Variants in SPEN observed in about 807,000 individuals in gnomAD.
SPEN encodes msx2-interacting protein.
In SPEN, 18 loss-of-function variants were observed where a neutral mutation model predicts 269.9. The observed-to-expected ratio is 0.07, with a 90% CI of 0.05 to 0.10. The LOEUF (loss-of-function observed/expected upper bound fraction) is 0.10, where lower values mean the gene tolerates loss of function less well. Ranked by LOEUF, SPEN falls within the 10% of genes least tolerant of loss-of-function variation. SPEN has a pLI of 1.00. For missense variants in SPEN, 3,822 were observed against 4,631.2 expected (o/e 0.83, Z 5.07); for synonymous variants, 1,726 against 1,765.7 (o/e 0.98, Z 0.56).
In SPEN at chr1:15,876,554, C is replaced by G; in HGVS notation, c.757C>G (p.Gln253Glu). Residue 253 changes from glutamine (Q) to glutamate (E), a missense_variant, in exon 3 of 15, where the codon CAG becomes GAG. Around this residue, in one of 16 missense-constraint regions of SPEN, gnomAD observed 327 missense variants for 350.8 expected, o/e 0.93. Transcript: ENST00000375759. ...ACCACATTCATCCCAGTCTAGAAAT[C>G]AGTCTCCTCAGAGACTGGCTAGCCA... ...RSPHSSQSRN[Q>E]SPQRLASQAS... 6.2e-7 allele frequency: 1 copy of G among 1,614,108 alleles called. No individual in the cohort carries two copies. The highest frequency in any genetic ancestry group is 8.5e-7 in the Non-Finnish European group (1 of 1,180,018).
At chr1:15,864,470 GTTTT>G (rs371257174) in intron 1 of SPEN, among the ~76,000 whole-genome samples, 2 of 132,364 alleles carry the variant, frequency 1.5e-5, no homozygotes, top group Non-Finnish European at 3.2e-5. Context: ...GTGCCGGCCG[GTTTT>G]TTTTTTTTTT....
At position 15,933,353 on chromosome 1, in the gene SPEN, G is replaced by A. The variant is rs2071241345; in HGVS notation, c.7113G>A (p.Glu2371=). ...QAQGESPAAN[E]GTTVQHPEAP... is the part of the protein sequence containing the mutation. ...AAGGTGAGAGTCCTGCTGCAAATGAGGGGACAACAGTACAGCACCCCGAAG... is the reference window on the plus strand; with the variant it reads ...AAGGTGAGAGTCCTGCTGCAAATGAAGGGACAACAGTACAGCACCCCGAAG... The change falls in exon 11 of 15, where the codon GAG becomes GAA. Residue 2371 remains glutamate (E), a synonymous_variant. Transcript: ENST00000375759. The surrounding 1 kb of genome is among the most constrained non-coding windows in gnomAD (Gnocchi z 5.7). The A allele has an allele frequency of 1.9e-6, 3 of 1,614,090 alleles. No homozygotes were observed. Among genetic ancestry groups the A allele is most frequent in the Non-Finnish European group, 2.5e-6 (3 of 1,179,984 alleles).
intron 3 of SPEN, among the ~76,000 whole-genome samples, chr1:15,885,651 A>G (rs2070730186): frequency 6.6e-6 from 1 of 152,202 alleles, no homozygotes; most frequent in Non-Finnish European, 1.5e-5. Flanking sequence ...TACTTGAGAA[A>G]CATTAGGTCG....
chr1:15,924,835 C>G (rs927645653), intron 10 of SPEN, among the ~76,000 whole-genome samples: 3 of 152,122 alleles, frequency 2.0e-5, no homozygotes, highest in Admixed American at 6.6e-5. Flanking sequence ...GGTTATTTAT[C>G]CCTCTCAAAT....
chr1:15,933,525 C>G lies in SPEN; in HGVS notation c.7285C>G (p.Pro2429Ala). 6.2e-6 allele frequency: 10 copies of G among 1,613,942 alleles called. No individual in the cohort carries two copies. The highest frequency in any genetic ancestry group is 8.5e-6 in the Non-Finnish European group (10 of 1,179,920). The change falls in exon 11 of 15, where the codon CCA becomes GCA. Residue 2429 changes from proline to alanine, a missense_variant. Physicochemically the swap from Pro to Ala is conservative, Grantham distance 27. Coordinates refer to ENST00000375759, the MANE Select transcript of SPEN (RefSeq NM_015001.3). The surrounding 1 kb of genome is among the most constrained non-coding windows in gnomAD (Gnocchi z 5.7). Reference protein sequence around the residue: ...ERTPTKASVPPDLPPPPQPAP... With the variant: ...ERTPTKASVPADLPPPPQPAP... ...GACTCCAACCAAAGCATCTGTGCCC[C>G]CAGACCTTCCCCCACCTCCCCAGCC...
At chr1:15,909,602 T>TAA in intron 4 of SPEN, 121 bp downstream of exon 4, 2 of 1,045,754 alleles carry the variant, frequency 1.9e-6, no homozygotes, top group Non-Finnish European at 2.8e-6. Context: ...TTCGAAATAT[T>TAA]AACGTTTTAA....
intron 6 of SPEN, among the ~76,000 whole-genome samples, chr1:15,918,159 TATTG>T (rs2071082712): frequency 6.6e-6 from 1 of 152,232 alleles, no homozygotes; most frequent in African/African-American, 2.4e-5. Flanking sequence ...TTTATTTATT[TATTG>T]ATCTTTTAAT....
intron 3 of SPEN, 37 bp from the exon 4 acceptor site, chr1:15,909,284 C>A (rs780086344): frequency 6.3e-7 from 1 of 1,577,166 alleles, no homozygotes; most frequent in Admixed American, 2.0e-5. Flanking sequence ...TTCTGTTTGT[C>A]TTTTCACTAA....
chr1:15,911,297 T>C lies in SPEN; in HGVS notation c.1239T>C (p.Gly413=), dbSNP rs1299961467. The change falls in exon 5 of 15, where the codon GGT becomes GGC. Residue 413 remains glycine (G), a synonymous_variant. Transcript: ENST00000375759. ...GMQIEVTAWI[G]PETESENEFR... is the part of the protein sequence containing the mutation. Reference sequence around the variant, plus strand: ...AGATTGAAGTAACAGCATGGATAGGTCCAGGTAAGACACAAGCAAGCTGAG... The same window carrying C: ...AGATTGAAGTAACAGCATGGATAGGCCCAGGTAAGACACAAGCAAGCTGAG... 1 of 1,613,872 alleles carries C rather than the reference T, an allele frequency of 6.2e-7. No individual in the cohort carries two copies. The highest frequency in any genetic ancestry group is 8.5e-7 in the Non-Finnish European group (1 of 1,179,830).
At chr1:15,894,507 G>T (rs1005487320) in intron 3 of SPEN, among the ~76,000 whole-genome samples, 1 of 145,804 alleles carries the variant, frequency 6.9e-6, no homozygotes, top group Non-Finnish European at 1.5e-5. Context: ...TATTAGGACA[G>T]TAGATCCTAA....
intron 3 of SPEN, among the ~76,000 whole-genome samples, chr1:15,884,633 G>A (rs1037620802): frequency 5.5e-4 from 84 of 152,242 alleles, no homozygotes; most frequent in African/African-American, 1.9e-3. Flanking sequence ...CTTATGATAC[G>A]TGGCATGTGC....
chr1:15,868,226 T>C (rs1474361732), intron 1 of SPEN, among the ~76,000 whole-genome samples: 1 of 151,554 alleles, frequency 6.6e-6, no homozygotes, highest in Non-Finnish European at 1.5e-5. Flanking sequence ...TAGGTGGGTC[T>C]GGAACTCATG....
chr1:15,940,347 T>G lies in SPEN; in HGVS notation c.*920T>G, dbSNP rs1025163078. The stretch of plus-strand genomic sequence containing the variant: ...AACCCCTCTTCCTATTACCTTGATC[T>G]CTTCCCCCAACTTCCTAACACTTAT... On this transcript the variant is annotated 3_prime_UTR_variant, in exon 15 of 15. Transcript: ENST00000375759. The G allele has an allele frequency of 1.3e-5, 3 of 233,138 alleles. No individual in the cohort carries two copies. Among genetic ancestry groups the G allele is most frequent in the African/African-American group, 6.6e-5 (3 of 45,300 alleles). The allele number at this position is 233,138 out of a possible 1,614,324, so 14.4% of individuals were successfully genotyped here.
At chr1:15,869,510 G>T (rs1232750806) in intron 1 of SPEN, among the ~76,000 whole-genome samples, 1 of 152,142 alleles carries the variant, frequency 6.6e-6, no homozygotes, top group African/African-American at 2.4e-5. Flanking sequence ...ATTTAACTGA[G>T]TTCAAAAGAG....
intron 5 of SPEN, among the ~76,000 whole-genome samples, chr1:15,911,876 G>A (rs969408065): frequency 1.3e-5 from 2 of 152,194 alleles, no homozygotes; most frequent in African/African-American, 2.4e-5. Flanking sequence ...CGGGAGAATC[G>A]TGTGAACCCG....
In SPEN at chr1:15,935,030, G is replaced by T. The variant is rs1206490907; in HGVS notation, c.8790G>T (p.Lys2930Asn). The T allele has an allele frequency of 6.2e-7, 1 of 1,613,966 alleles. No homozygotes were observed. Among genetic ancestry groups the T allele is most frequent in the South Asian group, 1.1e-5 (1 of 91,068 alleles). The change falls in exon 11 of 15, where the codon AAG (lysine) becomes AAT (asparagine). Residue 2930 changes from lysine (K) to asparagine (N), a missense_variant. Transcript: ENST00000375759. The surrounding 1 kb of genome is among the most constrained non-coding windows in gnomAD (Gnocchi z 7.7). ...STPVTQGGTV[K>N]VLTQGINTPP... ...CTGTCACCCAGGGAGGCACAGTGAA[G>T]GTTCTCACCCAGGGGATCAACACAC...
At chr1:15,874,234 ATTT>A (rs761626223) in intron 2 of SPEN, 32 of 1,339,374 alleles carry the variant, frequency 2.4e-5, no homozygotes, top group Non-Finnish European at 3.1e-5. Flanking sequence ...GGTCACTAAG[ATTT>A]TTTTTTTCTT....
intron 3 of SPEN, among the ~76,000 whole-genome samples, chr1:15,900,473 G>A (rs1329433043): frequency 6.6e-6 from 1 of 152,162 alleles, no homozygotes; most frequent in African/African-American, 2.4e-5. Context: ...ATAAAGTAGT[G>A]ACCTTGGTTT....
intron 10 of SPEN, among the ~76,000 whole-genome samples, chr1:15,925,005 A>G (rs1166684486): frequency 6.6e-6 from 1 of 152,144 alleles, no homozygotes; most frequent in Non-Finnish European, 1.5e-5. Context: ...ATCTCACTGA[A>G]TAGTTGATGC....
Sources: gnomAD v4.1 joint callset for allele counts (sites outside exome capture counted in the v4.1 genomes callset) on GRCh38, gnomAD v4.1.1 for gene constraint, gnomAD v4.1.1 regional missense constraint, Gnocchi (gnomAD v3.1) non-coding constraint, MANE v1.5 for transcripts, NCBI Gene and HGNC (gene_info 2026-07-23, HGNC 2026-07-21) for gene names.